ATP8B4: variants seen among roughly 807,000 people sequenced by gnomAD.
ATP8B4 encodes the protein probable phospholipid-transporting ATPase IM.
In ATP8B4, 133 loss-of-function variants were observed where a neutral mutation model predicts 145.6. That is an observed-to-expected ratio of 0.91 (90% CI 0.79 to 1.05). ATP8B4 has a LOEUF of 1.05. Among genes scored for constraint, ATP8B4 ranks in the 50% least tolerant of loss-of-function variants. The pLI is 0.00. For missense variants in ATP8B4, 1,458 were observed against 1,425.2 expected, an observed-to-expected ratio of 1.02 and a Z score of -0.37; for synonymous variants, 507 against 492.9, an observed-to-expected ratio of 1.03 and a Z score of -0.38.
chr15:50,010,396 T>A (rs1228072867), intron 7 of ATP8B4, among the ~76,000 whole-genome samples: 1 of 152,076 alleles, frequency 6.6e-6, no homozygotes, highest in Non-Finnish European at 1.5e-5. Flanking sequence ...ACACATTTTC[T>A]AATTTTTAAG....
At chr15:50,015,613 C>A (rs1487154710) in intron 6 of ATP8B4, among the ~76,000 whole-genome samples, 1 of 152,186 alleles carries the variant, frequency 6.6e-6, no homozygotes, top group African/African-American at 2.4e-5. Context: ...ACCAGTTGAT[C>A]CAAAGACAGC....
In ATP8B4 at chr15:50,158,124, G is replaced by A. The variant is rs529426278; in HGVS notation, c.-43+24137C>T. Among the ~76,000 whole-genome samples the A allele has an allele frequency of 3.4e-4, 52 of 152,336 alleles. 1 individual carries two copies. The highest frequency in any genetic ancestry group is 3.4e-3 in the Middle Eastern group (1 of 294). ...TCGCTACAACCTCCACCTCCCAGCC[G>A]TCTGCCTTGGCCTCCCAAAGTGCCG... On this transcript the variant is annotated intron_variant, in intron 1 of 3. Coordinates refer to the ATP8B4 transcript ENST00000558829.
chr15:50,107,013 G>C lies in ATP8B4; in HGVS notation c.-42-5C>G, dbSNP rs369509319. ...AGGTCTCAACAGGTGGCCTACCTAA[G>C]AAAAAGAAGTATGCATATTAGTATC... On this transcript the variant is annotated splice_region_variant and splice_polypyrimidine_tract_variant and intron_variant, in intron 1 of 27. Coordinates refer to ENST00000284509, the MANE Select transcript of ATP8B4 (RefSeq NM_024837.4). The C allele has an allele frequency of 5.2e-6, 8 of 1,526,296 alleles. No homozygotes were observed. The highest frequency in any genetic ancestry group is 6.1e-6 in the Non-Finnish European group (7 of 1,139,772). The allele number at this position is 1,526,296 out of a possible 1,614,324, so 94.5% of individuals were successfully genotyped here.
At chr15:50,008,413 AC>A (rs1177638954) in intron 7 of ATP8B4, among the ~76,000 whole-genome samples, 1 of 152,056 alleles carries the variant, frequency 6.6e-6, no homozygotes, top group Non-Finnish European at 1.5e-5. Flanking sequence ...AAGCATTCTC[AC>A]CCCATCATGG....
chr15:50,029,280 A>G (rs2050261667), intron 6 of ATP8B4, among the ~76,000 whole-genome samples: 1 of 150,440 alleles, frequency 6.6e-6, no homozygotes, highest in South Asian at 2.1e-4. Flanking sequence ...GCAGAATTTT[A>G]TTCTCTTGCA....
At chr15:49,928,550 T>C (rs1567011457) in intron 16 of ATP8B4, among the ~76,000 whole-genome samples, 1 of 152,040 alleles carries the variant, frequency 6.6e-6, no homozygotes, top group Non-Finnish European at 1.5e-5. Flanking sequence ...ACCTATGCTT[T>C]TTAAGTAGGG....
At chr15:50,158,954 G>C (rs926310325) in intron 1 of ATP8B4, among the ~76,000 whole-genome samples, 3 of 152,154 alleles carry the variant, frequency 2.0e-5, no homozygotes, top group Non-Finnish European at 4.4e-5. Flanking sequence ...AGTACCCAAG[G>C]ACACAAACAC....
At chr15:49,938,676 A>G (rs1330249944) in intron 14 of ATP8B4, among the ~76,000 whole-genome samples, 2 of 152,160 alleles carry the variant, frequency 1.3e-5, no homozygotes, top group African/African-American at 4.8e-5. Flanking sequence ...CCAACACCCC[A>G]CTGACAGCTT....
intron 2 of ATP8B4, among the ~76,000 whole-genome samples, chr15:50,081,239 T>C (rs528627878): frequency 9.8e-5 from 15 of 152,316 alleles, no homozygotes; most frequent in East Asian, 9.6e-4. Flanking sequence ...TCCTTACTTA[T>C]GGTTTCTCAG....
chr15:49,902,993 A>G (rs139854744), intron 20 of ATP8B4, among the ~76,000 whole-genome samples: 4 of 152,196 alleles, frequency 2.6e-5, no homozygotes. Context: ...CTGAAATTCT[A>G]TTTACTTAGG....
rs1223493951 is a variant in ATP8B4 at position 50,089,654 on chromosome 15, C to CT, written c.29-15470dup. Among the ~76,000 whole-genome samples, 34 of 149,850 alleles carry CT rather than the reference C, an allele frequency of 2.3e-4. No individual in the cohort carries two copies. The East Asian group carries it at 5.7e-3, about 25-fold the overall frequency. On this transcript the variant is annotated intron_variant, in intron 2 of 27. Coordinates refer to ENST00000284509, the MANE Select transcript of ATP8B4 (RefSeq NM_024837.4). ...TAGTGAGGCTGTGGAGAAACAGGAA[C>CT]TTTTTTTTTTCTTTCTTTCTTTTTT... is the stretch of plus-strand genomic sequence containing the variant.
chr15:49,992,147 T>C (rs12442429), intron 9 of ATP8B4, among the ~76,000 whole-genome samples: 30,655 of 152,086 alleles, frequency 0.2, 3,504 homozygotes, highest in East Asian at 0.34. Flanking sequence ...CAATAATCTC[T>C]TCCTTCAAGA....
intron 14 of ATP8B4, among the ~76,000 whole-genome samples, chr15:49,939,703 A>C (rs938502421): frequency 6.6e-6 from 1 of 152,212 alleles, no homozygotes; most frequent in Non-Finnish European, 1.5e-5. Flanking sequence ...AATTCTATTG[A>C]AACTACTACA....
At position 49,876,285 on chromosome 15, in the gene ATP8B4, C is replaced by T. The variant is rs138247241; in HGVS notation, c.3020G>A (p.Ser1007Asn). The T allele has an allele frequency of 1.2e-6, 2 of 1,613,898 alleles. No individual in the cohort carries two copies. The highest frequency in any genetic ancestry group is 2.2e-5 in the East Asian group (1 of 44,878). Residue 1007 changes from serine to asparagine, a missense_variant, in exon 25 of 28, where the codon AGT becomes AAT. Physicochemically the swap from Ser to Asn is conservative, Grantham distance 46. Coordinates refer to ENST00000284509, the MANE Select transcript of ATP8B4 (RefSeq NM_024837.4). ...TTACACCGACAGCGTTACCTGCACA[C>T]TGACCACAATGACCAAAGATGTGGC... ...TMATSLVIVVSVQIALDTSYW... is the reference protein window; with the variant it reads ...TMATSLVIVVNVQIALDTSYW...
intron 20 of ATP8B4, among the ~76,000 whole-genome samples, chr15:49,912,864 T>C (rs1268352733): frequency 6.6e-6 from 1 of 152,110 alleles, no homozygotes. Flanking sequence ...CTCAAACTCC[T>C]GGGCTCAAAT....
intron 16 of ATP8B4, among the ~76,000 whole-genome samples, chr15:49,926,869 G>A (rs1478166573): frequency 6.6e-6 from 1 of 151,922 alleles, no homozygotes; most frequent in Non-Finnish European, 1.5e-5. Flanking sequence ...TTGCCATATC[G>A]CCGCTGTTCA....
Position 49,950,620 on chromosome 15 carries a change from A to AAC in ATP8B4, c.1287+11356_1287+11357insGT, listed in dbSNP as rs1491478927. ...AAAAAAAACAAACAAACAAACAAACAAAAAAAACAACAACAACAACAAAAA... is the reference window on the plus strand; with the variant it reads ...AAAAAAAACAAACAAACAAACAAACAACAAAAAAACAACAACAACAACAAAAA... On this transcript the variant is annotated intron_variant, in intron 14 of 27. Coordinates refer to ENST00000284509, the MANE Select transcript of ATP8B4 (RefSeq NM_024837.4). Among the ~76,000 whole-genome samples the AAC allele has an allele frequency of 1.5e-3, 141 of 93,354 alleles. 1 individual carries two copies. Among genetic ancestry groups the AAC allele is most frequent in the Admixed American group, 4.7e-3 (51 of 10,912 alleles). 61.2% of individuals were successfully genotyped at this position (93,354 alleles called of 152,430 possible).
Position 49,879,380 on chromosome 15 carries a change from T to C in ATP8B4, c.2777A>G (p.Asp926Gly). The C allele has an allele frequency of 6.2e-7, 1 of 1,608,474 alleles. No homozygotes were observed. Residue 926 changes from aspartate to glycine, a missense_variant, in exon 24 of 28, where the codon GAC becomes GGC. Asp to Gly is a moderately conservative substitution (Grantham distance 94). Coordinates refer to ENST00000284509, the MANE Select transcript of ATP8B4 (RefSeq NM_024837.4). ...SLPVLAMGIF[D>G]QDVSDQNSVD... ...AAAGATGGAAAAAAAACATACCTGG[T>C]CAAAAATCCCCATGGCTAAAACAGG...
At chr15:49,870,717 C>T (rs8036570) in intron 25 of ATP8B4, among the ~76,000 whole-genome samples, 35,693 of 152,098 alleles carry the variant, frequency 0.23, 4,374 homozygotes, top group Non-Finnish European at 0.27. Flanking sequence ...GCCTAGCATC[C>T]ATGGTTACAA....
Sources: allele counts gnomAD v4.1 joint callset (sites outside exome capture counted in the v4.1 genomes callset), GRCh38; gene constraint gnomAD v4.1.1; transcripts MANE v1.5; gene names NCBI Gene and HGNC (gene_info 2026-07-23, HGNC 2026-07-21).